The following RELN variants were observed in gnomAD, a reference collection of about 807,000 sequenced individuals.
RELN encodes the protein reelin.
Under a neutral mutation model 427.6 loss-of-function variants are expected in RELN, and 108 were observed. That is an observed-to-expected ratio of 0.25 (90% CI 0.22 to 0.30). The LOEUF (loss-of-function observed/expected upper bound fraction) is 0.30. RELN is among the 10% of genes least tolerant of loss of function. The pLI, the probability that RELN is intolerant of heterozygous loss-of-function variation, is 1.00. For missense variants in RELN, 3,715 were observed against 4,302.8 expected (o/e 0.86, Z 3.82); for synonymous variants, 1,524 against 1,513.4 (o/e 1.01, Z -0.16).
At chr7:103,766,318 AT>A (rs1791423432) in intron 4 of RELN, among the ~76,000 whole-genome samples, 1 of 152,236 alleles carries the variant, frequency 6.6e-6, no homozygotes, top group African/African-American at 2.4e-5. Context: ...CACTGGGCAC[AT>A]TCAAGTGAAA....
intron 8 of RELN, among the ~76,000 whole-genome samples, chr7:103,719,518 T>C (rs1790023455): frequency 6.6e-6 from 1 of 152,166 alleles, no homozygotes; most frequent in African/African-American, 2.4e-5. Flanking sequence ...AACGTTCTGT[T>C]TTCTCACTTA....
intron 58 of RELN, 55 bp from the exon 59 acceptor site, chr7:103,490,884 T>C: frequency 1.9e-6 from 3 of 1,576,106 alleles, no homozygotes; most frequent in Non-Finnish European, 2.6e-6. Flanking sequence ...ATATAATCTG[T>C]TAATGTCAAG....
chr7:103,695,810 G>A (rs1239829067), intron 10 of RELN, among the ~76,000 whole-genome samples: 8 of 152,132 alleles, frequency 5.3e-5, no homozygotes, highest in South Asian at 4.1e-4. Context: ...TATGACATAC[G>A]CTATTCTGAC....
intron 36 of RELN, among the ~76,000 whole-genome samples, chr7:103,560,949 A>T (rs188059605): frequency 2.0e-5 from 3 of 152,344 alleles, no homozygotes; most frequent in East Asian, 3.9e-4. Flanking sequence ...CAATTTCCCC[A>T]TGCTGAGAGA....
intron 11 of RELN, among the ~76,000 whole-genome samples, chr7:103,672,167 T>G (rs2115630458): frequency 6.6e-6 from 1 of 152,296 alleles, no homozygotes; most frequent in East Asian, 1.9e-4. Context: ...AGGGCTACAA[T>G]GGAGATTGTT....
chr7:103,650,185 A>G, intron 16 of RELN, 89 bp downstream of exon 16: 2 of 842,438 alleles, frequency 2.4e-6, no homozygotes, highest in Non-Finnish European at 4.2e-6. Context: ...ACCATGACTT[A>G]GAAATGTGAT....
intron 36 of RELN, among the ~76,000 whole-genome samples, chr7:103,559,025 C>A (rs919994579): frequency 6.6e-6 from 1 of 152,174 alleles, no homozygotes; most frequent in Non-Finnish European, 1.5e-5. Context: ...ACAATAGCAA[C>A]CATATATTGA....
chr7:103,974,249 G>A (rs1211322144), intron 1 of RELN, among the ~76,000 whole-genome samples: 2 of 152,210 alleles, frequency 1.3e-5, no homozygotes, highest in Non-Finnish European at 2.9e-5. Flanking sequence ...ACAACCCTGT[G>A]TGACGAGTAC....
chr7:103,890,521 C>G (rs1794823896), intron 2 of RELN, among the ~76,000 whole-genome samples: 1 of 149,970 alleles, frequency 6.7e-6, no homozygotes, highest in African/African-American at 2.5e-5. Flanking sequence ...CCTTACGAGA[C>G]TCGAACAATA....
intron 22 of RELN, among the ~76,000 whole-genome samples, chr7:103,606,570 G>C (rs1412426998): frequency 6.6e-6 from 1 of 152,136 alleles, no homozygotes; most frequent in Non-Finnish European, 1.5e-5. Context: ...CGTTGACCAA[G>C]TGACAATTTA....
chr7:103,742,048 G>A (rs1017788793), intron 6 of RELN, among the ~76,000 whole-genome samples: 1 of 152,096 alleles, frequency 6.6e-6, no homozygotes, highest in Non-Finnish European at 1.5e-5. Context: ...CACACGGCCA[G>A]GTACTCCTCT....
chr7:103,912,053 C>T (rs958628484), intron 2 of RELN, among the ~76,000 whole-genome samples: 4 of 151,976 alleles, frequency 2.6e-5, no homozygotes, highest in African/African-American at 9.7e-5. Context: ...GTTGAAAATA[C>T]TAGTTTTATG....
chr7:103,740,629 G>T (rs1790620550), intron 6 of RELN, among the ~76,000 whole-genome samples: 1 of 151,956 alleles, frequency 6.6e-6, no homozygotes, highest in Non-Finnish European at 1.5e-5. Flanking sequence ...TTATGTACAT[G>T]TACAGTCATT....
chr7:103,854,199 G>T (rs1346998545), intron 2 of RELN, among the ~76,000 whole-genome samples: 1 of 152,142 alleles, frequency 6.6e-6, no homozygotes, highest in Non-Finnish European at 1.5e-5. Context: ...CGATTCATCT[G>T]TTGTAGTCCT....
At chr7:103,970,985 G>A (rs766034396) in intron 1 of RELN, among the ~76,000 whole-genome samples, 8 of 152,010 alleles carry the variant, frequency 5.3e-5, no homozygotes, top group African/African-American at 7.2e-5. Flanking sequence ...GCAAAACCCC[G>A]TCTCTGCTAG....
At chr7:103,747,510 A>G (rs1488446043) in intron 6 of RELN, among the ~76,000 whole-genome samples, 1 of 152,120 alleles carries the variant, frequency 6.6e-6, no homozygotes, top group African/African-American at 2.4e-5. Context: ...TGCTTTTCTC[A>G]TGGTATCCAT....
chr7:103,530,409 C>T (rs1334897927), intron 46 of RELN, among the ~76,000 whole-genome samples: 1 of 152,174 alleles, frequency 6.6e-6, no homozygotes, highest in African/African-American at 2.4e-5. Flanking sequence ...AGCTGTAGCC[C>T]AGACTTGTTA....
chr7:103,593,759 A>G lies in RELN; in HGVS notation c.3835T>C (p.Phe1279Leu), dbSNP rs2117248678. The G allele has an allele frequency of 6.2e-7, 1 of 1,614,090 alleles. No homozygotes were observed. Among genetic ancestry groups the G allele is most frequent in the Non-Finnish European group, 8.5e-7 (1 of 1,179,956 alleles). ...FCAATPSAMI[F>L]GKSDGDRFAV... ...AATCGATCTCCATCTGATTTTCCAA[A>G]TATCATTGCTGATGGTGTGGCAGCA... Residue 1279 changes from phenylalanine to leucine, a missense_variant, in exon 27 of 65, where the codon TTT (phenylalanine) becomes CTT (leucine). By Grantham distance (22) the Phe-to-Leu change is conservative (BLOSUM62 0). This residue lies in a region of RELN where 2,208 missense variants were observed against 2,361.7 expected (regional missense o/e 0.93). Coordinates refer to ENST00000428762, the MANE Select transcript of RELN (RefSeq NM_005045.4).
chr7:103,821,013 AAAC>A (rs1288939325), intron 3 of RELN, among the ~76,000 whole-genome samples: 1 of 152,162 alleles, frequency 6.6e-6, no homozygotes, highest in Admixed American at 6.6e-5. Context: ...AGAGTAATTT[AAAC>A]AATACCGAAC....
Sources: allele counts gnomAD v4.1 joint callset (sites outside exome capture counted in the v4.1 genomes callset), GRCh38; gene constraint gnomAD v4.1.1; regional missense constraint gnomAD v4.1.1; transcripts MANE v1.5; gene names NCBI Gene and HGNC (gene_info 2026-07-23, HGNC 2026-07-21).